ST3GAL6: variants seen among roughly 807,000 people sequenced by gnomAD.
The protein encoded by ST3GAL6 is ST3 beta-galactoside alpha-2,3-sialyltransferase 6.
Under a neutral mutation model 40.5 loss-of-function variants are expected in ST3GAL6, and 31 were observed. The observed-to-expected ratio is 0.77, with a 90% CI of 0.58 to 1.03. The LOEUF (loss-of-function observed/expected upper bound fraction) is 1.03, where lower values mean the gene tolerates loss of function less well. Ranked by LOEUF, ST3GAL6 falls within the 50% of genes least tolerant of loss-of-function variation. The probability of loss-of-function intolerance (pLI) is 0.00; values close to 1 mark genes in which losing one functional copy is unlikely to be tolerated. For synonymous variants in ST3GAL6, 129 were observed against 136.9 expected (o/e 0.94, Z 0.40); for missense variants, 357 against 393.2 (o/e 0.91, Z 0.78).
At chr3:98,763,242 G>A (rs1576074697), upstream of ST3GAL6, 1 of 1,234,828 alleles carries the variant, frequency 8.1e-7, no homozygotes, top group African/African-American at 1.5e-5. Context: ...GCATGTGACT[G>A]CAGATTATAA....
chr3:98,784,598 G>A (rs1241768753), intron 5 of ST3GAL6: 1 of 205,928 alleles, frequency 4.9e-6, no homozygotes, highest in Non-Finnish European at 9.9e-6. Flanking sequence ...TTCCACTTTG[G>A]AGTATGACTT....
intron 1 of ST3GAL6, among the ~76,000 whole-genome samples, chr3:98,746,230 G>A (rs545651295): frequency 3.2e-4 from 49 of 152,216 alleles, no homozygotes; most frequent in South Asian, 2.1e-3. Context: ...GCTTGGAAGC[G>A]TTTTCCTAAG....
chr3:98,736,809 G>A (rs1185795680), intron 1 of ST3GAL6, among the ~76,000 whole-genome samples: 2 of 152,180 alleles, frequency 1.3e-5, no homozygotes, highest in African/African-American at 4.8e-5. Context: ...AAATACATGA[G>A]GCATGAGTGA....
chr3:98,757,840 T>C (rs1055951002), intron 1 of ST3GAL6, among the ~76,000 whole-genome samples: 4 of 151,972 alleles, frequency 2.6e-5, no homozygotes, highest in African/African-American at 9.7e-5. Flanking sequence ...TGCTTTTTTT[T>C]CTTTTTTTTT....
At chr3:98,772,116 A>C (rs1371132959) in intron 3 of ST3GAL6, 1 of 149,556 alleles carries the variant, frequency 6.7e-6, no homozygotes, top group Non-Finnish European at 1.5e-5. Flanking sequence ...GAGAAAACCC[A>C]AAAGGGTTAA....
chr3:98,776,033 A>C (rs1018234579), intron 5 of ST3GAL6, among the ~76,000 whole-genome samples: 1 of 152,232 alleles, frequency 6.6e-6, no homozygotes, highest in African/African-American at 2.4e-5. Flanking sequence ...TTCAGTTAGC[A>C]TTGCTGAGTT....
At chr3:98,735,546 A>G (rs963494028) in intron 1 of ST3GAL6, among the ~76,000 whole-genome samples, 3 of 152,212 alleles carry the variant, frequency 2.0e-5, no homozygotes, top group South Asian at 2.1e-4. Flanking sequence ...TTCAATGGGC[A>G]TATTCCAAAA....
intron 8 of ST3GAL6, among the ~76,000 whole-genome samples, chr3:98,791,512 G>A (rs1307494406): frequency 6.6e-6 from 1 of 152,092 alleles, no homozygotes; most frequent in Admixed American, 6.5e-5. Context: ...GACTCATCAT[G>A]TTTTTGTGTT....
At chr3:98,757,833 TTTTTTTTC>T (rs1183073655) in intron 1 of ST3GAL6, among the ~76,000 whole-genome samples, 2 of 151,810 alleles carry the variant, frequency 1.3e-5, no homozygotes, top group East Asian at 3.9e-4. Context: ...TTTTAACTGC[TTTTTTTTC>T]TTTTTTTTTT....
upstream of ST3GAL6, among the ~76,000 whole-genome samples, chr3:98,762,241 A>G (rs753140601): frequency 1.2e-4 from 18 of 152,218 alleles, no homozygotes; most frequent in East Asian, 5.8e-4. Context: ...CCTTTCTGCA[A>G]TGCAGAAAGA....
At chr3:98,741,094 A>C (rs1168730886) in intron 1 of ST3GAL6, among the ~76,000 whole-genome samples, 1 of 115,670 alleles carries the variant, frequency 8.6e-6, no homozygotes, top group African/African-American at 3.5e-5. Flanking sequence ...GCATGCATGT[A>C]TGTACATATG....
chr3:98,768,712 G>C (rs948377618), intron 2 of ST3GAL6, among the ~76,000 whole-genome samples, 183 bp downstream of exon 2: 8 of 152,134 alleles, frequency 5.3e-5, no homozygotes, highest in Admixed American at 6.5e-5. Context: ...CAATTTAAAA[G>C]TTGACAAGCA....
At chr3:98,754,027 C>G (rs191848506) in intron 1 of ST3GAL6, among the ~76,000 whole-genome samples, 18 of 152,262 alleles carry the variant, frequency 1.2e-4, no homozygotes, top group Non-Finnish European at 1.5e-5. Flanking sequence ...TCTGCAGTCT[C>G]TGAATCAAGG....
intron 1 of ST3GAL6, among the ~76,000 whole-genome samples, chr3:98,743,656 C>A (rs1936308112): frequency 6.6e-6 from 1 of 152,194 alleles, no homozygotes; most frequent in African/African-American, 2.4e-5. Context: ...AAGCTGCCTC[C>A]AGATGAAGAA....
Position 98,788,313 on chromosome 3 carries a change from T to G in ST3GAL6, c.619-13T>G. 1 of 1,601,188 alleles carries G rather than the reference T, an allele frequency of 6.2e-7. No individual in the cohort carries two copies. Among genetic ancestry groups the G allele is most frequent in the Non-Finnish European group, 8.5e-7 (1 of 1,175,512 alleles). ...AGCCACACTGTTCTATTCTCTATATTTTTTACTTTCAGAACACTAATGGTT... is the reference window on the plus strand; with the variant it reads ...AGCCACACTGTTCTATTCTCTATATGTTTTACTTTCAGAACACTAATGGTT... On this transcript the variant is annotated splice_polypyrimidine_tract_variant and intron_variant, in intron 7 of 9. Transcript: ENST00000483910.
At chr3:98,786,475 A>G (rs1162384901) in intron 6 of ST3GAL6, among the ~76,000 whole-genome samples, 1 of 152,086 alleles carries the variant, frequency 6.6e-6, no homozygotes, top group African/African-American at 2.4e-5. Context: ...TGGACTGGTG[A>G]CCTGAGGCTC....
At chr3:98,770,983 G>A in intron 3 of ST3GAL6, 27 bp downstream of exon 3, 1 of 1,607,604 alleles carries the variant, frequency 6.2e-7, no homozygotes, top group Non-Finnish European at 8.5e-7. Context: ...AAAACCTGTG[G>A]CATACAAAAT....
chr3:98,736,482 AG>A (rs1935556066), intron 1 of ST3GAL6, among the ~76,000 whole-genome samples: 1 of 152,154 alleles, frequency 6.6e-6, no homozygotes, highest in Non-Finnish European at 1.5e-5. Context: ...CAGAGGTGGG[AG>A]GGTTATTCTC....
intron 1 of ST3GAL6, among the ~76,000 whole-genome samples, chr3:98,753,179 G>A (rs1038208113): frequency 2.6e-5 from 4 of 152,160 alleles, no homozygotes; most frequent in Non-Finnish European, 5.9e-5. Context: ...TACACAAATG[G>A]TAAAGTGAAA....
Sources: gnomAD v4.1 joint callset for allele counts (sites outside exome capture counted in the v4.1 genomes callset) on GRCh38, gnomAD v4.1.1 for gene constraint, MANE v1.5 for transcripts, NCBI Gene and HGNC (gene_info 2026-07-23, HGNC 2026-07-21) for gene names.